The following DARS2 variants were observed in gnomAD, a reference collection of about 807,000 sequenced individuals.
DARS2 encodes aspartate--tRNA ligase, mitochondrial.
A neutral mutation model predicts 83.0 loss-of-function variants in DARS2; 63 were observed. That is an observed-to-expected ratio of 0.76 (90% CI 0.62 to 0.94). The LOEUF (loss-of-function observed/expected upper bound fraction) is 0.94. DARS2 is among the 40% of genes least tolerant of loss of function. The pLI, the probability that DARS2 is intolerant of heterozygous loss-of-function variation, is 0.00. For synonymous variants in DARS2, 250 were observed against 269.3 expected, an observed-to-expected ratio of 0.93 and a Z score of 0.70; for missense variants, 675 against 774.4, an observed-to-expected ratio of 0.87 and a Z score of 1.52.
chr1:173,845,042 G>A (rs1034160526), intron 11 of DARS2, among the ~76,000 whole-genome samples, 187 bp from the exon 12 acceptor site: 3 of 151,836 alleles, frequency 2.0e-5, no homozygotes, highest in Admixed American at 6.6e-5. Context: ...CAGTCCACCC[G>A]CCTCAGCCTC....
chr1:173,853,770 C>T (rs376597731), intron 14 of DARS2, 25 bp from the exon 15 acceptor site: 20 of 1,598,468 alleles, frequency 1.3e-5, no homozygotes, highest in Non-Finnish European at 1.7e-5. Context: ...TTTTCTCTAA[C>T]ATAAAGTATC....
intron 12 of DARS2, among the ~76,000 whole-genome samples, chr1:173,847,972 C>A (rs1653502220): frequency 6.6e-6 from 1 of 151,714 alleles, no homozygotes; most frequent in Non-Finnish European, 1.5e-5. Context: ...TCTGCCTCAG[C>A]CTCCTGACTA....
intron 12 of DARS2, among the ~76,000 whole-genome samples, chr1:173,848,650 T>A (rs575450651): frequency 2.6e-4 from 39 of 152,358 alleles, no homozygotes; most frequent in African/African-American, 8.7e-4. Flanking sequence ...GCTTTGATGC[T>A]TGTGTGAATT....
At chr1:173,839,662 G>T in intron 10 of DARS2, 116 bp downstream of exon 10, 2 of 943,724 alleles carry the variant, frequency 2.1e-6, no homozygotes, top group Non-Finnish European at 3.4e-6. Flanking sequence ...TTGTTACCTT[G>T]TTACCTTCGT....
chr1:173,845,917 G>A (rs1312514953), intron 12 of DARS2, among the ~76,000 whole-genome samples: 1 of 152,180 alleles, frequency 6.6e-6, no homozygotes, highest in Non-Finnish European at 1.5e-5. Context: ...CAGCACTTTG[G>A]GAGGGCAAGA....
intron 1 of DARS2, among the ~76,000 whole-genome samples, chr1:173,826,404 A>AT (rs958920231): frequency 6.6e-6 from 1 of 152,186 alleles, no homozygotes; most frequent in African/African-American, 2.4e-5. Flanking sequence ...GGTAATTAGG[A>AT]TTTTAGGTCA....
Position 173,826,679 on chromosome 1 carries a change from T to G in DARS2, c.128-8T>G. The stretch of plus-strand genomic sequence containing the variant: ...TTTTAAAGTTTCTTTTTTTTTTTTT[T>G]TTTAAAGAATTCAGTAGCTTTGTTG... On this transcript the variant is annotated splice_polypyrimidine_tract_variant and splice_region_variant and intron_variant, in intron 1 of 16. Coordinates refer to ENST00000649689, the MANE Select transcript of DARS2 (RefSeq NM_018122.5). The G allele has an allele frequency of 6.3e-7, 1 of 1,583,338 alleles. No individual in the cohort carries two copies. The highest frequency in any genetic ancestry group is 8.6e-7 in the Non-Finnish European group (1 of 1,168,014).
intron 12 of DARS2, 127 bp from the exon 13 acceptor site, chr1:173,850,200 A>T: frequency 9.1e-7 from 1 of 1,103,352 alleles, no homozygotes; most frequent in Non-Finnish European, 1.3e-6. Flanking sequence ...TCATGGAGAT[A>T]ATAGAGACAA....
At chr1:173,846,743 C>T (rs1407873643) in intron 12 of DARS2, among the ~76,000 whole-genome samples, 2 of 151,970 alleles carry the variant, frequency 1.3e-5, no homozygotes, top group Non-Finnish European at 2.9e-5. Flanking sequence ...CTGCAGTGAG[C>T]TGTGTTCACC....
intron 13 of DARS2, among the ~76,000 whole-genome samples, chr1:173,851,221 C>G (rs1479732040): frequency 6.7e-6 from 1 of 148,330 alleles, no homozygotes; most frequent in Non-Finnish European, 1.5e-5. Flanking sequence ...TGCACTCCAG[C>G]CTGGCTGACA....
At chr1:173,855,228 T>A (rs761493419) in intron 15 of DARS2, among the ~76,000 whole-genome samples, 1 of 151,654 alleles carries the variant, frequency 6.6e-6, no homozygotes, top group African/African-American at 2.4e-5. Flanking sequence ...CTCAGCCTCC[T>A]GAGTAGCTGG....
rs778731200 is a variant in DARS2, at chr1:173,828,317, C to T, written c.228-16C>T. ...TTTATCTTAAAATGTTTCTTTTCCC[C>T]CCCCCCATTAATCAGGCAAAACACA... On this transcript the variant is annotated splice_polypyrimidine_tract_variant and intron_variant, in intron 2 of 16. Coordinates refer to ENST00000649689, the MANE Select transcript of DARS2 (RefSeq NM_018122.5). 4 of 1,198,048 alleles carry T rather than the reference C, an allele frequency of 3.3e-6. No individual in the cohort carries two copies. Among genetic ancestry groups the T allele is most frequent in the Admixed American group, 1.8e-5 (1 of 54,868 alleles). The allele number at this position is 1,198,048 out of a possible 1,614,324, so 74.2% of individuals were successfully genotyped here.
chr1:173,853,865 A>T lies in DARS2; in HGVS notation c.1634A>T (p.Asn545Ile). 1 of 1,614,218 alleles carries T rather than the reference A, an allele frequency of 6.2e-7. No homozygotes were observed. Among genetic ancestry groups the T allele is most frequent in the Non-Finnish European group, 8.5e-7 (1 of 1,180,044 alleles). ...EIGGGSIRIH[N>I]AELQRYILAT... ...GGAGGTGGTTCAATTCGAATTCACAATGCAGAGCTGCAGCGTTATATCCTG... is the reference window on the plus strand; with the variant it reads ...GGAGGTGGTTCAATTCGAATTCACATTGCAGAGCTGCAGCGTTATATCCTG... The change falls in exon 15 of 17, where the codon AAT (asparagine) becomes ATT (isoleucine). Residue 545 changes from asparagine to isoleucine, a missense_variant. Physicochemically the swap from Asn to Ile is moderately radical, Grantham distance 149 (BLOSUM62 -3). Transcript: ENST00000649689.
chr1:173,847,869 T>C (rs967749073), intron 12 of DARS2, among the ~76,000 whole-genome samples: 38 of 120,900 alleles, frequency 3.1e-4, no homozygotes, highest in African/African-American at 1.4e-3. Context: ...TTTTTTTTTT[T>C]GAGACGGGAG....
Position 173,853,576 on chromosome 1 carries a change from T to C in DARS2, c.1563+9T>C, listed in dbSNP as rs747445085. ...ACACTGAGCCCAAAAAGGTACCGTA[T>C]CTATACTTCCAAATCAAAAGGAAAT... On this transcript the variant is annotated intron_variant, in intron 14 of 16. Transcript: ENST00000649689. The C allele has an allele frequency of 1.2e-6, 2 of 1,613,682 alleles. No individual in the cohort carries two copies. The highest frequency in any genetic ancestry group is 2.2e-5 in the East Asian group (1 of 44,880).
chr1:173,852,336 C>A, intron 13 of DARS2: 1 of 702,348 alleles, frequency 1.4e-6, no homozygotes, highest in Non-Finnish European at 1.7e-6. Context: ...TCATTTAATC[C>A]TCATGCCAAC....
chr1:173,857,401 G>T, intron 16 of DARS2, 117 bp from the exon 17 acceptor site: 3 of 1,020,532 alleles, frequency 2.9e-6, no homozygotes, highest in Non-Finnish European at 4.4e-6. Context: ...ACGATGGTTG[G>T]CTACAGTTTG....
chr1:173,830,893 T>C, intron 4 of DARS2, 132 bp downstream of exon 4: 2 of 721,366 alleles, frequency 2.8e-6, no homozygotes, highest in Non-Finnish European at 5.0e-6. Flanking sequence ...AACTGACAGA[T>C]TTCAAAATCT....
intron 3 of DARS2, among the ~76,000 whole-genome samples, chr1:173,830,018 G>A (rs1441974063): frequency 6.6e-6 from 1 of 151,976 alleles, no homozygotes; most frequent in Non-Finnish European, 1.5e-5. Flanking sequence ...GGAGGTTCAG[G>A]CTGAAGTGAG....
Sources: gnomAD v4.1 joint callset for allele counts (sites outside exome capture counted in the v4.1 genomes callset) on GRCh38, gnomAD v4.1.1 for gene constraint, MANE v1.5 for transcripts, NCBI Gene and HGNC (gene_info 2026-07-23, HGNC 2026-07-21) for gene names.